Variants in IGF2BP1 observed in about 807,000 individuals in gnomAD.
IGF2BP1 encodes insulin like growth factor 2 mRNA binding protein 1, also known as insulin-like growth factor 2 mRNA-binding protein 1.
A neutral mutation model predicts 74.9 loss-of-function variants in IGF2BP1; 11 were observed. The ratio of observed to expected loss-of-function variants is 0.15; its 90% confidence interval spans 0.09 to 0.24. The LOEUF is 0.24. Ranked by LOEUF, IGF2BP1 falls within the 10% of genes least tolerant of loss-of-function variation. IGF2BP1 has a pLI of 1.00. For missense variants in IGF2BP1, 440 were observed against 757.4 expected, an observed-to-expected ratio of 0.58 and a Z score of 4.92; for synonymous variants, 287 against 281.8, an observed-to-expected ratio of 1.02 and a Z score of -0.18.
upstream of IGF2BP1, chr17:48,997,362 CTT>C (rs754623540): frequency 9.2e-5 from 10 of 109,242 alleles, no homozygotes; most frequent in South Asian, 6.5e-4. This position sits in a 1 kb window ranked among gnomAD's most constrained non-coding sequence, Gnocchi z 4.8. Flanking sequence ...GTGGCTTCTC[CTT>C]TTTTTTTTTT....
rs59508101 is a variant in IGF2BP1 at position 49,055,836 on chromosome 17, G to GTTT, written c.*6412_*6414dup. Among the ~76,000 whole-genome samples, 1,727 of 125,792 alleles carry GTTT rather than the reference G, an allele frequency of 0.014. 33 individuals carry two copies. Among genetic ancestry groups the GTTT allele is most frequent in the African/African-American group, 0.035 (1,123 of 32,518 alleles). 82.5% of individuals were successfully genotyped at this position (125,792 alleles called of 152,430 possible). On this transcript the variant is annotated 3_prime_UTR_variant, in exon 15 of 15. Transcript: ENST00000290341. The stretch of plus-strand genomic sequence containing the variant: ...AGCTGGAGGCCTACTGCTTGGGACA[G>GTTT]TTTTTTTTTTTTTTTTTTTTTTAAA...
chr17:49,038,749 C>G (rs2042015841), intron 6 of IGF2BP1, among the ~76,000 whole-genome samples: 1 of 152,142 alleles, frequency 6.6e-6, no homozygotes, highest in Non-Finnish European at 1.5e-5. Flanking sequence ...GATGAGTCAG[C>G]AACTCAGTGC....
At chr17:49,032,007 G>T (rs1000379923) in intron 5 of IGF2BP1, 34 bp downstream of exon 5, 5 of 833,972 alleles carry the variant, frequency 6.0e-6, no homozygotes, top group South Asian at 2.2e-5. Context: ...TGGGTGCGGT[G>T]GGGGGGGGTT....
chr17:49,035,103 G>T (rs958150682), intron 5 of IGF2BP1, among the ~76,000 whole-genome samples: 4 of 152,212 alleles, frequency 2.6e-5, no homozygotes, highest in Non-Finnish European at 5.9e-5. Flanking sequence ...CAATGGAATA[G>T]AATTCAGAGC....
At chr17:49,045,629 T>C (rs2042100756) in intron 12 of IGF2BP1, among the ~76,000 whole-genome samples, 2 of 152,152 alleles carry the variant, frequency 1.3e-5, no homozygotes, top group African/African-American at 4.8e-5. Context: ...CTGGGAACTA[T>C]TTTTTCCCTT....
Position 48,997,662 on chromosome 17 carries a change from C to G in IGF2BP1, c.-84C>G. On this transcript the variant is annotated 5_prime_UTR_variant, in exon 1 of 15. Transcript: ENST00000290341. The surrounding 1 kb of genome is among the most constrained non-coding windows in gnomAD (Gnocchi z 4.8). ...TTTGCGGCTCCTGCCGCCGGCCTCT[C>G]CGCCTCTTGGCCTAGGAGGCTCGCC... is the stretch of plus-strand genomic sequence containing the variant. 6.9e-7 allele frequency: 1 copy of G among 1,442,986 alleles called. No homozygotes were observed. The highest frequency in any genetic ancestry group is 2.3e-5 in the East Asian group (1 of 43,272). The allele number at this position is 1,442,986 out of a possible 1,614,324, so 89.4% of individuals were successfully genotyped here.
intron 5 of IGF2BP1, among the ~76,000 whole-genome samples, chr17:49,032,248 T>G (rs1278273425): frequency 1.7e-4 from 26 of 152,108 alleles, no homozygotes; most frequent in Admixed American, 1.6e-3. Context: ...CCCTCCCAGA[T>G]AAGTGGGAAA....
chr17:49,026,101 G>T (rs2041850403), intron 3 of IGF2BP1, among the ~76,000 whole-genome samples: 1 of 151,948 alleles, frequency 6.6e-6, no homozygotes, highest in Non-Finnish European at 1.5e-5. Context: ...GTGAGCCACC[G>T]TGCCTGGCCT....
chr17:49,050,897 G>A lies in IGF2BP1; in HGVS notation c.*1453G>A, dbSNP rs1213816720. ...CTGATTGACAATGCATATTAGCCAGGTAATGCACTTTAGCTACCCTGGACA... is the reference window on the plus strand; with the variant it reads ...CTGATTGACAATGCATATTAGCCAGATAATGCACTTTAGCTACCCTGGACA... On this transcript the variant is annotated 3_prime_UTR_variant, in exon 15 of 15. Coordinates refer to ENST00000290341, the MANE Select transcript of IGF2BP1 (RefSeq NM_006546.4). 6.6e-6 allele frequency: 1 copy of A among 152,576 alleles called. No individual in the cohort carries two copies. The highest frequency in any genetic ancestry group is 1.5e-5 in the Non-Finnish European group (1 of 68,044). The allele number at this position is 152,576 out of a possible 1,614,324, so 9.5% of individuals were successfully genotyped here. A position where few individuals can be genotyped will look rare whatever the true frequency, so the allele number is the denominator to read the frequency against.
chr17:49,049,406 A>AAGGGAC lies in IGF2BP1; in HGVS notation c.1699_1704dup (p.Gly567_Gln568dup), dbSNP rs776623024. 28 of 1,614,038 alleles carry AAGGGAC rather than the reference A, an allele frequency of 1.7e-5. No homozygotes were observed. In the African/African-American group the frequency reaches 3.2e-4, roughly 18 times the overall value. On this transcript the variant is annotated inframe_insertion, in exon 15 of 15. Transcript: ENST00000290341. The stretch of plus-strand genomic sequence containing the variant: ...GGCCCAGGTTAAGCAGCAGCATCAG[A>AAGGGAC]AGGGACAGAGTAACCAGGCCCAGGC...
At chr17:48,996,898 G>T (rs984370238), upstream of IGF2BP1, among the ~76,000 whole-genome samples, 6 of 152,018 alleles carry the variant, frequency 3.9e-5, no homozygotes, top group African/African-American at 1.5e-4. Context: ...TAGGGAAAAG[G>T]TTCCTTTCTT....
At chr17:49,026,662 T>G in intron 4 of IGF2BP1, 145 bp downstream of exon 4, 1 of 642,032 alleles carries the variant, frequency 1.6e-6, no homozygotes, top group South Asian at 1.8e-5. Context: ...CCTTCCTGCC[T>G]TCCTGCCTTC....
At position 49,045,201 on chromosome 17, in the gene IGF2BP1, G is replaced by C. The variant is rs1023526920; in HGVS notation, c.1395+136G>C. 4 of 658,632 alleles carry C rather than the reference G, an allele frequency of 6.1e-6. No individual in the cohort carries two copies. The African/African-American group carries it at 7.2e-5, about 12-fold the overall frequency. 40.8% of individuals were successfully genotyped at this position (658,632 alleles called of 1,614,324 possible). The stretch of plus-strand genomic sequence containing the variant: ...TCACATCTTTAAGCCTTCCATGCAG[G>C]ATAAAGGGCTGCAGAGCTATTTTCA... On this transcript the variant is annotated intron_variant, in intron 12 of 14. Coordinates refer to ENST00000290341, the MANE Select transcript of IGF2BP1 (RefSeq NM_006546.4).
At chr17:49,005,195 A>C (rs1055140380) in intron 2 of IGF2BP1, among the ~76,000 whole-genome samples, 1 of 152,226 alleles carries the variant, frequency 6.6e-6, no homozygotes, top group Non-Finnish European at 1.5e-5. Flanking sequence ...TTGACTGACA[A>C]AATATATGTT....
chr17:49,037,505 TA>T (rs2144110540), intron 5 of IGF2BP1: 1 of 210,350 alleles, frequency 4.8e-6, no homozygotes, highest in South Asian at 1.3e-4. Flanking sequence ...TTTCCTTAAA[TA>T]ATGGACTCAA....
At chr17:49,048,805 G>A (rs1163561365) in intron 14 of IGF2BP1, among the ~76,000 whole-genome samples, 1 of 152,114 alleles carries the variant, frequency 6.6e-6, no homozygotes, top group African/African-American at 2.4e-5. Context: ...CTCGAGGGAT[G>A]CGCAGTGCAT....
intron 2 of IGF2BP1, among the ~76,000 whole-genome samples, chr17:49,014,269 C>G (rs1015976955): frequency 2.0e-4 from 27 of 133,502 alleles, no homozygotes; most frequent in African/African-American, 7.0e-4. Flanking sequence ...TCTGTCTCCC[C>G]CTCAGTCTCA....
intron 2 of IGF2BP1, among the ~76,000 whole-genome samples, chr17:49,010,141 A>G (rs1213562468): frequency 1.3e-5 from 2 of 152,216 alleles, no homozygotes; most frequent in East Asian, 3.9e-4. Flanking sequence ...CATCACCTTC[A>G]TCTATCGCTA....
intron 4 of IGF2BP1, among the ~76,000 whole-genome samples, chr17:49,026,918 A>G (rs895833145): frequency 2.6e-5 from 4 of 151,908 alleles, no homozygotes; most frequent in African/African-American, 7.3e-5. Context: ...TGATTTTTGT[A>G]TTTTTAGTAG....
Sources: allele counts gnomAD v4.1 joint callset (sites outside exome capture counted in the v4.1 genomes callset), GRCh38; gene constraint gnomAD v4.1.1; non-coding constraint Gnocchi (gnomAD v3.1); transcripts MANE v1.5; gene names NCBI Gene and HGNC (gene_info 2026-07-23, HGNC 2026-07-21).